Variants in NRXN3 observed in about 807,000 individuals in gnomAD.
The protein encoded by NRXN3 is neurexin III.
A neutral mutation model predicts 137.6 loss-of-function variants in NRXN3; 32 were observed. The ratio of observed to expected loss-of-function variants is 0.23; its 90% CI spans 0.18 to 0.31. The LOEUF is 0.31. Among genes scored for constraint, NRXN3 ranks in the 10% least tolerant of loss-of-function variants. The probability of loss-of-function intolerance (pLI) is 1.00; values close to 1 mark genes in which losing one functional copy is unlikely to be tolerated. For missense variants in NRXN3, 1,574 were observed against 2,062.5 expected (o/e 0.76, Z 4.59); for synonymous variants, 798 against 784.5 (o/e 1.02, Z -0.29).
chr14:78,399,458 A>G (rs896520272), intron 4 of NRXN3, among the ~76,000 whole-genome samples: 2 of 152,216 alleles, frequency 1.3e-5, no homozygotes, highest in African/African-American at 4.8e-5. Context: ...CAATTACAGT[A>G]TAGGCTCATT....
chr14:78,607,106 T>G (rs2097259702), intron 4 of NRXN3, among the ~76,000 whole-genome samples: 1 of 152,144 alleles, frequency 6.6e-6, no homozygotes, highest in African/African-American at 2.4e-5. Context: ...CAGCCTTTGA[T>G]AAGTTTTAGA....
At chr14:78,698,928 T>C (rs997333626) in intron 6 of NRXN3, among the ~76,000 whole-genome samples, 1 of 152,102 alleles carries the variant, frequency 6.6e-6, no homozygotes, top group Non-Finnish European at 1.5e-5. Context: ...GAGGCTTCTT[T>C]CTGCATTATA....
intron 15 of NRXN3, among the ~76,000 whole-genome samples, chr14:78,996,191 A>G (rs2099529702): frequency 2.0e-5 from 3 of 152,212 alleles, no homozygotes; most frequent in Admixed American, 2.0e-4. Flanking sequence ...CCTCTTTCAT[A>G]CACAATTACG....
chr14:78,936,315 C>T (rs1303836749), intron 10 of NRXN3, among the ~76,000 whole-genome samples: 1 of 152,136 alleles, frequency 6.6e-6, no homozygotes, highest in Non-Finnish European at 1.5e-5. Flanking sequence ...CTGCAAACTA[C>T]AATCAGCAGG....
chr14:78,983,004 T>C (rs1418694811), intron 14 of NRXN3, among the ~76,000 whole-genome samples: 2 of 152,152 alleles, frequency 1.3e-5, no homozygotes, highest in Non-Finnish European at 2.9e-5. Flanking sequence ...TAAAAGAAGA[T>C]ATGCAGATGG....
At chr14:78,225,974 G>GGTGTGTGTGTGTGTGTGTGT (rs71131635) in intron 1 of NRXN3, among the ~76,000 whole-genome samples, 1 of 123,632 alleles carries the variant, frequency 8.1e-6, no homozygotes, top group Non-Finnish European at 1.7e-5. Flanking sequence ...TGTGTGTGTT[G>GGTGTGTGTGTGTGTGTGTGT]GTGTGTGTGT....
intron 16 of NRXN3, among the ~76,000 whole-genome samples, chr14:79,577,375 T>G (rs1485954850): frequency 1.3e-5 from 2 of 152,232 alleles, no homozygotes; most frequent in African/African-American, 4.8e-5. Context: ...GGATTCTTTT[T>G]CAGAGCCTTC....
chr14:79,407,432 T>C (rs908599001), intron 15 of NRXN3, among the ~76,000 whole-genome samples: 2 of 152,148 alleles, frequency 1.3e-5, no homozygotes, highest in African/African-American at 4.8e-5. Context: ...GGCATAGTTA[T>C]GATGGAGAAA....
chr14:79,777,829 T>G (rs917060074), intron 19 of NRXN3, among the ~76,000 whole-genome samples: 1 of 151,804 alleles, frequency 6.6e-6, no homozygotes, highest in Non-Finnish European at 1.5e-5. Flanking sequence ...AAAAAAAAAT[T>G]TAACAGGCTC....
intron 10 of NRXN3, among the ~76,000 whole-genome samples, chr14:78,843,288 C>G (rs886720476): frequency 2.0e-5 from 3 of 152,130 alleles, no homozygotes; most frequent in Non-Finnish European, 4.4e-5. Context: ...TCCCTGCCTT[C>G]CTGCAACAAT....
chr14:78,390,121 A>C (rs1234557329), intron 4 of NRXN3, among the ~76,000 whole-genome samples: 1 of 152,206 alleles, frequency 6.6e-6, no homozygotes, highest in Non-Finnish European at 1.5e-5. Context: ...AAAGATTAAC[A>C]CCGGGTACGG....
intron 15 of NRXN3, among the ~76,000 whole-genome samples, chr14:79,253,635 C>T (rs1201417869): frequency 6.6e-6 from 1 of 152,154 alleles, no homozygotes; most frequent in African/African-American, 2.4e-5. Flanking sequence ...AGGAAACTTA[C>T]AATCATGATG....
At chr14:79,484,056 C>T (rs917083988) in intron 16 of NRXN3, among the ~76,000 whole-genome samples, 1 of 152,074 alleles carries the variant, frequency 6.6e-6, no homozygotes, top group African/African-American at 2.4e-5. Context: ...CTGTTGTTCC[C>T]ATTGAGCCAG....
intron 4 of NRXN3, among the ~76,000 whole-genome samples, chr14:78,502,720 G>A (rs1250029988): frequency 6.6e-6 from 1 of 152,166 alleles, no homozygotes; most frequent in Non-Finnish European, 1.5e-5. Flanking sequence ...TAGGGCAATT[G>A]CAAGAAATAC....
At chr14:79,334,469 G>T (rs1398125934) in intron 15 of NRXN3, among the ~76,000 whole-genome samples, 1 of 152,202 alleles carries the variant, frequency 6.6e-6, no homozygotes, top group Non-Finnish European at 1.5e-5. Flanking sequence ...GCTTATTGGA[G>T]AAACAGTGGG....
At chr14:79,391,056 C>T (rs550072941) in intron 15 of NRXN3, among the ~76,000 whole-genome samples, 12 of 152,056 alleles carry the variant, frequency 7.9e-5, no homozygotes, top group Admixed American at 2.0e-4. Flanking sequence ...TCCAGAATTT[C>T]GAAGAAGTAA....
intron 15 of NRXN3, among the ~76,000 whole-genome samples, chr14:78,989,414 G>A (rs2099514010): frequency 6.6e-6 from 1 of 152,080 alleles, no homozygotes; most frequent in South Asian, 2.1e-4. Context: ...AAGGTACACT[G>A]AGGAGAAACA....
intron 15 of NRXN3, among the ~76,000 whole-genome samples, chr14:79,086,838 T>A (rs1425406157): frequency 1.3e-5 from 2 of 152,200 alleles, no homozygotes; most frequent in Non-Finnish European, 2.9e-5. Flanking sequence ...TTCATGGAGA[T>A]GACAGGCAAA....
chr14:79,652,432 C>G (rs1164105202), intron 16 of NRXN3, among the ~76,000 whole-genome samples: 1 of 150,784 alleles, frequency 6.6e-6, no homozygotes, highest in Non-Finnish European at 1.5e-5. Flanking sequence ...TGACCGGCTT[C>G]CAGAGGGCTT....
Sources: allele counts gnomAD v4.1 joint callset (sites outside exome capture counted in the v4.1 genomes callset), GRCh38; gene constraint gnomAD v4.1.1; transcripts MANE v1.5; gene names NCBI Gene and HGNC (gene_info 2026-07-23, HGNC 2026-07-21).